The following TAMM41 variants were observed in gnomAD, a reference collection of about 807,000 sequenced individuals.
TAMM41 encodes the protein TAM41 mitochondrial translocator assembly and maintenance homolog, also known as phosphatidate cytidylyltransferase, mitochondrial.
Under a neutral mutation model 44.1 loss-of-function variants are expected in TAMM41, and 36 were observed. The observed-to-expected ratio is 0.82, with a 90% confidence interval of 0.63 to 1.08. The LOEUF is 1.08. Ranked by LOEUF, TAMM41 falls within the 50% of genes least tolerant of loss-of-function variation. The probability of loss-of-function intolerance (pLI) is 0.00; values close to 1 mark genes in which losing one functional copy is unlikely to be tolerated. For missense variants in TAMM41, 417 were observed against 404.3 expected, an observed-to-expected ratio of 1.03 and a Z score of -0.27; for synonymous variants, 164 against 153.1, an observed-to-expected ratio of 1.07 and a Z score of -0.53.
the TAMM41 span, among the ~76,000 whole-genome samples, chr3:11,778,382 C>T: frequency 6.6e-6 from 1 of 152,112 alleles, no homozygotes; most frequent in Non-Finnish European, 1.5e-5. Flanking sequence ...GCACACATAC[C>T]AAACCCAGAT....
chr3:11,762,611 C>T, the TAMM41 span, among the ~76,000 whole-genome samples: 2 of 152,294 alleles, frequency 1.3e-5, no homozygotes, highest in East Asian at 3.9e-4. Context: ...TTTTATTCCC[C>T]CTAAATCTAG....
chr3:11,830,141 A>G (rs1012061646), intron 3 of TAMM41, among the ~76,000 whole-genome samples: 5 of 152,244 alleles, frequency 3.3e-5, no homozygotes, highest in Non-Finnish European at 7.3e-5. Context: ...TTAGAAAAAG[A>G]GCAAAAGTCC....
At chr3:11,805,669 G>A (rs895310434) in intron 7 of TAMM41, among the ~76,000 whole-genome samples, 1 of 152,158 alleles carries the variant, frequency 6.6e-6, no homozygotes, top group African/African-American at 2.4e-5. Context: ...GACACTGAGA[G>A]GTGTGACCAT....
the TAMM41 span, among the ~76,000 whole-genome samples, chr3:11,765,725 G>A: frequency 1.4e-5 from 2 of 145,980 alleles, no homozygotes; most frequent in Admixed American, 6.8e-5. Flanking sequence ...TTTTTGAGAT[G>A]GAGTCTCATT....
the TAMM41 span, among the ~76,000 whole-genome samples, chr3:11,767,454 G>A: frequency 6.6e-6 from 1 of 152,026 alleles, no homozygotes; most frequent in South Asian, 2.1e-4. Flanking sequence ...GTTTTTGTGT[G>A]GATGCATGTT....
the TAMM41 span, among the ~76,000 whole-genome samples, chr3:11,772,479 T>C: frequency 6.6e-6 from 1 of 152,198 alleles, no homozygotes; most frequent in East Asian, 1.9e-4. Context: ...GTTATTTCAC[T>C]TAGGATAATG....
chr3:11,727,256 G>A, the TAMM41 span, among the ~76,000 whole-genome samples: 9 of 152,132 alleles, frequency 5.9e-5, no homozygotes, highest in Non-Finnish European at 1.3e-4. Flanking sequence ...AACCCTGGTG[G>A]TCCAATTCCG....
the TAMM41 span, among the ~76,000 whole-genome samples, chr3:11,756,299 C>T: frequency 1.3e-4 from 20 of 152,182 alleles, no homozygotes. Context: ...ACCACTCTTA[C>T]TTATCCTGAG....
At position 11,829,697 on chromosome 3, in the gene TAMM41, G is replaced by T. The variant is rs1288198063; in HGVS notation, c.562+17C>A. 3.1e-6 allele frequency: 5 copies of T among 1,613,562 alleles called. No homozygotes were observed. The highest frequency in any genetic ancestry group is 4.2e-6 in the Non-Finnish European group (5 of 1,179,590). ...AATCTCTCCCTTGTAGAACATCTGGGCAGCAACCATACTAACCTGAATAGG... is the reference window on the plus strand; with the variant it reads ...AATCTCTCCCTTGTAGAACATCTGGTCAGCAACCATACTAACCTGAATAGG... On this transcript the variant is annotated intron_variant, in intron 4 of 7. Transcript: ENST00000455809.
intron 7 of TAMM41, among the ~76,000 whole-genome samples, chr3:11,805,277 C>T (rs1429180096): frequency 6.6e-6 from 1 of 151,970 alleles, no homozygotes; most frequent in Non-Finnish European, 1.5e-5. Flanking sequence ...ACTAGGATTA[C>T]AGGCATGAGT....
In TAMM41 at chr3:11,846,015, C is replaced by G. The variant is rs144650016; in HGVS notation, c.135+487G>C. On this transcript the variant is annotated intron_variant, in intron 1 of 7. Coordinates refer to ENST00000455809, the MANE Select transcript of TAMM41 (RefSeq NM_001284401.2). ...GTCAGAAGATCATTTTGCATTTTCT[C>G]CTACATTTATAGAGGTGACTCTCAA... is the stretch of plus-strand genomic sequence containing the variant. Among the ~76,000 whole-genome samples, 949 of 152,328 alleles carry G rather than the reference C, an allele frequency of 6.2e-3. 5 individuals carry two copies. Among genetic ancestry groups the G allele is most frequent in the Middle Eastern group, 0.017 (5 of 294 alleles).
Position 11,846,849 on chromosome 3 carries a change from C to T in TAMM41, c.-213G>A, listed in dbSNP as rs537161954. The T allele has an allele frequency of 1.7e-6, 1 of 595,824 alleles. No homozygotes were observed. The highest frequency in any genetic ancestry group is 2.9e-6 in the Non-Finnish European group (1 of 342,918). 36.9% of individuals were successfully genotyped at this position (595,824 alleles called of 1,614,324 possible). A position where few individuals can be genotyped will look rare whatever the true frequency, so the allele number is the denominator to read the frequency against. ...GGCGAGAAGACGCAGCCCAGATAGGCTCGGGTGGGCGGCGGTCGCACAGGC... is the reference window on the plus strand; with the variant it reads ...GGCGAGAAGACGCAGCCCAGATAGGTTCGGGTGGGCGGCGGTCGCACAGGC... On this transcript the variant is annotated 5_prime_UTR_variant, in exon 1 of 8. Transcript: ENST00000455809.
At chr3:11,764,894 A>T in the TAMM41 span, among the ~76,000 whole-genome samples, 2 of 152,178 alleles carry the variant, frequency 1.3e-5, no homozygotes, top group East Asian at 3.8e-4. Flanking sequence ...CAAGTCACAC[A>T]TATTTTTACA....
At chr3:11,793,083 A>AAAAAAAAAAAAGAG (rs1553566249) in intron 7 of TAMM41, among the ~76,000 whole-genome samples, 1 of 132,636 alleles carries the variant, frequency 7.5e-6, no homozygotes, top group African/African-American at 2.7e-5. Flanking sequence ...AAAAAAAAAA[A>AAAAAAAAAAAAGAG]AGAGAGTGAA....
chr3:11,784,590 G>A, the TAMM41 span, among the ~76,000 whole-genome samples: 6 of 152,114 alleles, frequency 3.9e-5, no homozygotes, highest in African/African-American at 1.4e-4. Context: ...ACAGGCACAC[G>A]GGTATTTTTA....
the TAMM41 span, among the ~76,000 whole-genome samples, chr3:11,768,294 A>G: frequency 6.6e-6 from 1 of 151,990 alleles, no homozygotes; most frequent in South Asian, 2.1e-4. Context: ...GTGCCAGCAT[A>G]CTAGGCTAAT....
chr3:11,817,031 T>C, intron 5 of TAMM41, 161 bp downstream of exon 5: 1 of 691,088 alleles, frequency 1.4e-6, no homozygotes, highest in Non-Finnish European at 2.2e-6. Flanking sequence ...TGTTACCTTT[T>C]AGCATTATTC....
intron 2 of TAMM41, among the ~76,000 whole-genome samples, chr3:11,840,729 C>G (rs1400066912): frequency 6.6e-6 from 1 of 151,852 alleles, no homozygotes; most frequent in Non-Finnish European, 1.5e-5. Context: ...AAAACTTGTC[C>G]TTCCCCAAAG....
chr3:11,752,625 C>CTTTTTTTTTTTTTTTT, the TAMM41 span, among the ~76,000 whole-genome samples: 198 of 39,958 alleles, frequency 5.0e-3, 42 homozygotes, highest in Non-Finnish European at 7.8e-3. Context: ...TCTTACAAAG[C>CTTTTTTTTTTTTTTTT]TTTTTTTTTT....
Sources: allele counts gnomAD v4.1 joint callset (sites outside exome capture counted in the v4.1 genomes callset), GRCh38; gene constraint gnomAD v4.1.1; transcripts MANE v1.5; gene names NCBI Gene and HGNC (gene_info 2026-07-23, HGNC 2026-07-21).